Variants in CD200 observed in about 807,000 individuals in gnomAD.
CD200 encodes OX-2 membrane glycoprotein.
Under a neutral mutation model 30.9 loss-of-function variants are expected in CD200, and 15 were observed. That is an observed-to-expected ratio of 0.49 (90% CI 0.32 to 0.75). The LOEUF is 0.75. CD200 is among the 30% of genes least tolerant of loss of function. The pLI is 0.03. For missense variants in CD200, 262 were observed against 324.2 expected (o/e 0.81, Z 1.47); for synonymous variants, 134 against 126.2 (o/e 1.06, Z -0.41).
At chr3:112,338,957 C>T (rs1398259982) in intron 1 of CD200, among the ~76,000 whole-genome samples, 2 of 152,168 alleles carry the variant, frequency 1.3e-5, no homozygotes, top group African/African-American at 4.8e-5. Context: ...ATTTACTTAA[C>T]TTCTCTGTGC....
chr3:112,349,645 A>AAT, intron 4 of CD200, 67 bp from the exon 5 acceptor site: 1 of 1,305,322 alleles, frequency 7.7e-7, no homozygotes, highest in Non-Finnish European at 1.0e-6. Flanking sequence ...TAAAAGCTCA[A>AAT]CTCTTTTTGC....
At chr3:112,350,213 T>C (rs938917546) in intron 5 of CD200, among the ~76,000 whole-genome samples, 2 of 152,214 alleles carry the variant, frequency 1.3e-5, no homozygotes, top group Admixed American at 6.5e-5. Flanking sequence ...TGATCACTCA[T>C]TAAGTAGCAC....
At chr3:112,353,193 T>C (rs1157093088) in intron 5 of CD200, among the ~76,000 whole-genome samples, 1 of 152,206 alleles carries the variant, frequency 6.6e-6, no homozygotes, top group Admixed American at 6.5e-5. Context: ...TATTTCTCAT[T>C]AGTCAACCCA....
chr3:112,346,031 A>G (rs1009680294), intron 3 of CD200, among the ~76,000 whole-genome samples: 3 of 152,244 alleles, frequency 2.0e-5, no homozygotes, highest in Non-Finnish European at 4.4e-5. Flanking sequence ...TATTAGGAAT[A>G]TTAAGGTGAG....
At chr3:112,347,246 G>T (rs1232187028) in intron 3 of CD200, among the ~76,000 whole-genome samples, 1 of 152,202 alleles carries the variant, frequency 6.6e-6, no homozygotes, top group Admixed American at 6.5e-5. Flanking sequence ...GAATAATTAG[G>T]ACTGTTTGGG....
At chr3:112,355,329 T>G (rs1426287440) in intron 5 of CD200, among the ~76,000 whole-genome samples, 4 of 152,246 alleles carry the variant, frequency 2.6e-5, no homozygotes, top group Admixed American at 6.5e-5. Context: ...AAATCTGTAA[T>G]GCAAAAGCAT....
At chr3:112,335,429 A>G (rs1404454296) in intron 1 of CD200, among the ~76,000 whole-genome samples, 1 of 152,234 alleles carries the variant, frequency 6.6e-6, no homozygotes, top group African/African-American at 2.4e-5. Context: ...AATAAAATAT[A>G]TCTGCAAAGA....
Position 112,349,649 on chromosome 3 carries a change from T to C in CD200, c.695-63T>C. ...ATAATTTTAACTAAAAGCTCAACTC[T>C]TTTTGCCTCAACAATTTCCTCATGT... On this transcript the variant is annotated intron_variant, in intron 4 of 5. Coordinates refer to ENST00000315711, the MANE Select transcript of CD200 (RefSeq NM_005944.7). The C allele has an allele frequency of 2.8e-6, 4 of 1,453,718 alleles. No homozygotes were observed. In the South Asian group the frequency reaches 5.3e-5, roughly 19 times the overall value. The allele number at this position is 1,453,718 out of a possible 1,614,324, so 90.1% of individuals were successfully genotyped here.
rs534758238 is a variant in CD200, at chr3:112,348,887, T to C, written c.695-825T>C. On this transcript the variant is annotated intron_variant, in intron 4 of 5. Coordinates refer to ENST00000315711, the MANE Select transcript of CD200 (RefSeq NM_005944.7). ...CCTAAAAAAGAATGTCTTTTTTTTT[T>C]CCAAGAATGCCAGATTTGACTTATA... Among the ~76,000 whole-genome samples, 6 of 152,228 alleles carry C rather than the reference T, an allele frequency of 3.9e-5. No homozygotes were observed. The South Asian group carries it at 6.2e-4, about 16-fold the overall frequency.
chr3:112,349,861 T>C lies in CD200; in HGVS notation c.802+42T>C, dbSNP rs2081497738. ...AGTTCAAAAAATGACATAAATTAAA[T>C]TTGATTTTTAATGACAATTTGTGAG... On this transcript the variant is annotated intron_variant, in intron 5 of 5. Transcript: ENST00000315711. The C allele has an allele frequency of 3.9e-6, 6 of 1,557,534 alleles. No homozygotes were observed. In the East Asian group the frequency reaches 1.4e-4, roughly 36 times the overall value.
intron 1 of CD200, among the ~76,000 whole-genome samples, chr3:112,337,807 C>A (rs2108425137): frequency 6.6e-6 from 1 of 152,214 alleles, no homozygotes; most frequent in South Asian, 2.1e-4. Context: ...TGTTCCAAGA[C>A]CCTCACAGAT....
intron 2 of CD200, among the ~76,000 whole-genome samples, chr3:112,341,573 C>T (rs1385243040): frequency 6.6e-6 from 1 of 152,168 alleles, no homozygotes; most frequent in Non-Finnish European, 1.5e-5. Flanking sequence ...CATCAGCCTC[C>T]ACAGATGTGG....
intron 5 of CD200, among the ~76,000 whole-genome samples, chr3:112,360,066 G>A (rs2081707462): frequency 6.6e-6 from 1 of 152,190 alleles, no homozygotes; most frequent in Non-Finnish European, 1.5e-5. Context: ...GGTGGCACAT[G>A]TCTGTAATCC....
chr3:112,346,265 G>T (rs2081390217), intron 3 of CD200, among the ~76,000 whole-genome samples: 1 of 149,690 alleles, frequency 6.7e-6, no homozygotes, highest in African/African-American at 2.5e-5. Flanking sequence ...CTCCCTCTCT[G>T]CCTTCCTTTC....
chr3:112,342,338 CTTCTTTCTTTCTTTCTTTCTTTCT>C (rs869284838), intron 2 of CD200, among the ~76,000 whole-genome samples: 236 of 21,902 alleles, frequency 0.011, 11 homozygotes, highest in South Asian at 0.033. Context: ...TCTTTCTTTC[CTTCTTTCTTTCTTTCTTTCTTTCT>C]TTCTTTCTTT....
rs750539351 is a variant in CD200, at chr3:112,347,752, A to G, written c.616A>G (p.Asn206Asp). The G allele has an allele frequency of 1.2e-5, 19 of 1,613,854 alleles. No individual in the cohort carries two copies. Among genetic ancestry groups the G allele is most frequent in the Non-Finnish European group, 1.6e-5 (19 of 1,179,910 alleles). Reference protein sequence around the residue: ...TSILHIKDPKNQVGKEVICQV... With the variant: ...TSILHIKDPKDQVGKEVICQV... ...CATCCTCCATATCAAAGACCCTAAG[A>G]ATCAGGTGGGGAAGGAGGTGATCTG... Residue 206 changes from asparagine to aspartate, a missense_variant, in exon 4 of 6, where the codon AAT (asparagine) becomes GAT (aspartate). Transcript: ENST00000315711.
intron 2 of CD200, among the ~76,000 whole-genome samples, chr3:112,342,242 T>A (rs944432240): frequency 1.7e-4 from 26 of 151,982 alleles, no homozygotes; most frequent in African/African-American, 6.3e-4. Flanking sequence ...TATTAAATGT[T>A]GCTAGAATTA....
chr3:112,333,335 C>G (rs2081039798), intron 1 of CD200, 111 bp downstream of exon 1: 1 of 1,474,006 alleles, frequency 6.8e-7, no homozygotes. Context: ...TTGCCACAAT[C>G]TGGTCCGGGG....
intron 2 of CD200, among the ~76,000 whole-genome samples, chr3:112,342,330 TTTCTTTCC>T (rs1559783117): frequency 0.03 from 1,203 of 40,120 alleles, 185 homozygotes; most frequent in Middle Eastern, 0.076. Context: ...TCTTTCTTTC[TTTCTTTCC>T]TTCTTTCTTT....
Sources: allele counts gnomAD v4.1 joint callset (sites outside exome capture counted in the v4.1 genomes callset), GRCh38; gene constraint gnomAD v4.1.1; transcripts MANE v1.5; gene names NCBI Gene and HGNC (gene_info 2026-07-23, HGNC 2026-07-21).